Variants in LRP1B observed in about 807,000 individuals in gnomAD.
LRP1B encodes the protein low-density lipoprotein receptor-related protein 1B.
LRP1B carries 217 observed loss-of-function variants against 556.6 expected under a neutral mutation model. That is an observed-to-expected ratio of 0.39 (90% CI 0.35 to 0.44). The LOEUF is 0.44. LRP1B is among the 20% of genes least tolerant of loss of function. The pLI, the probability that LRP1B is intolerant of heterozygous loss-of-function variation, is 1.00. For missense variants in LRP1B, 5,053 were observed against 5,620.8 expected, an observed-to-expected ratio of 0.90 and a Z score of 3.23; for synonymous variants, 2,047 against 1,865.8, an observed-to-expected ratio of 1.10 and a Z score of -2.50.
intron 20 of LRP1B, among the ~76,000 whole-genome samples, chr2:140,932,299 G>GTTC (rs1285082973): frequency 2.6e-5 from 4 of 152,012 alleles, no homozygotes; most frequent in Non-Finnish European, 1.5e-5. Context: ...GTCTCCTTGT[G>GTTC]TTCTAAATGA....
Position 140,358,852 on chromosome 2 carries a change from G to A in LRP1B, c.11226C>T (p.Cys3742=), listed in dbSNP as rs373241949. 2.4e-5 allele frequency: 38 copies of A among 1,608,238 alleles called. No individual in the cohort carries two copies. Among genetic ancestry groups the A allele is most frequent in the South Asian group, 4.4e-5 (4 of 90,940 alleles). The change falls in exon 73 of 91, where the codon TGC becomes TGT. Residue 3742 remains cysteine, a synonymous_variant. Transcript: ENST00000389484. ...SEQMCNGIDE[C]GDNSDEDHCG... is the part of the protein sequence containing the mutation. ...AGTGATCTTCATCTGAATTGTCACC[G>A]CATTCATCAATCCCATTGCACATTT...
chr2:141,188,963 T>G (rs1339905173), intron 6 of LRP1B, among the ~76,000 whole-genome samples: 10 of 152,006 alleles, frequency 6.6e-5, no homozygotes. Context: ...GAGGAATAAA[T>G]ACCTTTTCTG....
intron 2 of LRP1B, among the ~76,000 whole-genome samples, chr2:141,738,160 C>G (rs527544362): frequency 6.6e-6 from 1 of 152,026 alleles, no homozygotes; most frequent in African/African-American, 2.4e-5. Context: ...GAGAACATTA[C>G]AGATTTCTAT....
At chr2:140,379,507 C>G (rs1433051652) in intron 67 of LRP1B, among the ~76,000 whole-genome samples, 1 of 152,106 alleles carries the variant, frequency 6.6e-6, no homozygotes, top group Non-Finnish European at 1.5e-5. Flanking sequence ...CCAGCTTGGT[C>G]AACATGGCAA....
At chr2:141,296,004 G>T (rs571107749) in intron 3 of LRP1B, among the ~76,000 whole-genome samples, 2 of 152,144 alleles carry the variant, frequency 1.3e-5, no homozygotes, top group East Asian at 3.9e-4. Context: ...TCTGGCTAAG[G>T]AATAACTTTC....
At chr2:140,499,759 A>T (rs931026209) in intron 55 of LRP1B, among the ~76,000 whole-genome samples, 6 of 151,936 alleles carry the variant, frequency 3.9e-5, no homozygotes, top group Non-Finnish European at 7.4e-5. Context: ...AAAAATATTT[A>T]AAAATGTTTA....
intron 1 of LRP1B, among the ~76,000 whole-genome samples, chr2:142,129,584 T>TTCTCTCTCTCTCTC (rs56034357): frequency 5.2e-5 from 7 of 134,728 alleles, no homozygotes; most frequent in South Asian, 2.6e-4. Context: ...CTTTCTCTCT[T>TTCTCTCTCTCTCTC]TCTCTCTCTC....
intron 83 of LRP1B, among the ~76,000 whole-genome samples, chr2:140,310,343 C>T (rs1271975757): frequency 6.8e-6 from 1 of 147,846 alleles, no homozygotes; most frequent in East Asian, 2.0e-4. Context: ...AGATTCAATG[C>T]AATTTCTATC....
chr2:141,428,292 A>T (rs1403967963), intron 3 of LRP1B, among the ~76,000 whole-genome samples: 1 of 152,146 alleles, frequency 6.6e-6, no homozygotes, highest in Non-Finnish European at 1.5e-5. Context: ...CACCAAGTCA[A>T]TGCTATTGTT....
At chr2:141,856,430 C>G (rs1039824433) in intron 1 of LRP1B, among the ~76,000 whole-genome samples, 8 of 152,024 alleles carry the variant, frequency 5.3e-5, no homozygotes, top group Non-Finnish European at 1.2e-4. Flanking sequence ...TTTTTGCTTC[C>G]TCAGACATGG....
chr2:141,061,046 G>A (rs938080385), intron 8 of LRP1B, among the ~76,000 whole-genome samples: 1 of 151,652 alleles, frequency 6.6e-6, no homozygotes, highest in Non-Finnish European at 1.5e-5. Context: ...GTAAAGAGAA[G>A]GGCCATGATA....
chr2:140,399,416 C>A (rs1684398118), intron 66 of LRP1B, among the ~76,000 whole-genome samples: 1 of 151,896 alleles, frequency 6.6e-6, no homozygotes, highest in Admixed American at 6.6e-5. Context: ...TTAATTATTT[C>A]TTTTGTTTTC....
intron 43 of LRP1B, among the ~76,000 whole-genome samples, chr2:140,560,979 A>G (rs920135603): frequency 3.3e-5 from 5 of 152,278 alleles, no homozygotes; most frequent in Middle Eastern, 3.4e-3. Flanking sequence ...TGGTGCTCAG[A>G]AAACAATACC....
chr2:141,409,628 T>G (rs1278757638), intron 3 of LRP1B, among the ~76,000 whole-genome samples: 1 of 152,074 alleles, frequency 6.6e-6, no homozygotes, highest in African/African-American at 2.4e-5. Flanking sequence ...ATGGATACAG[T>G]AGTGCCAAAG....
intron 31 of LRP1B, among the ~76,000 whole-genome samples, chr2:140,826,558 T>C (rs919048267): frequency 4.6e-5 from 7 of 152,090 alleles, no homozygotes; most frequent in South Asian, 2.1e-4. Context: ...CCTGAAGCCA[T>C]AGAGAAGTGA....
intron 3 of LRP1B, among the ~76,000 whole-genome samples, chr2:141,305,149 CAATG>C (rs1361472383): frequency 2.0e-5 from 3 of 152,102 alleles, no homozygotes; most frequent in Non-Finnish European, 4.4e-5. Context: ...ATAGGGATTA[CAATG>C]AATCTGTAGA....
intron 1 of LRP1B, among the ~76,000 whole-genome samples, chr2:141,882,574 CA>C (rs1313237688): frequency 2.0e-5 from 3 of 152,202 alleles, no homozygotes; most frequent in Middle Eastern, 3.4e-3. Context: ...ACCAAGCACC[CA>C]ATAAGCGTCA....
At chr2:141,023,309 G>T (rs1045331090) in intron 11 of LRP1B, among the ~76,000 whole-genome samples, 2 of 151,776 alleles carry the variant, frequency 1.3e-5, no homozygotes, top group African/African-American at 4.8e-5. Context: ...TAATAATGAA[G>T]TGCGTGGTTT....
intron 11 of LRP1B, among the ~76,000 whole-genome samples, chr2:141,035,646 T>C (rs1698511439): frequency 6.6e-6 from 1 of 152,014 alleles, no homozygotes; most frequent in South Asian, 2.1e-4. Context: ...CATATCATCC[T>C]GTACCATCTC....
Sources: gnomAD v4.1 joint callset for allele counts (sites outside exome capture counted in the v4.1 genomes callset) on GRCh38, gnomAD v4.1.1 for gene constraint, MANE v1.5 for transcripts, NCBI Gene and HGNC (gene_info 2026-07-23, HGNC 2026-07-21) for gene names.